The following MACROD2 variants were observed in gnomAD, a reference collection of about 807,000 sequenced individuals.
MACROD2 encodes mono-ADP ribosylhydrolase 2.
A neutral mutation model predicts 70.4 loss-of-function variants in MACROD2; 36 were observed. That is an observed-to-expected ratio of 0.51 (90% CI 0.39 to 0.68). MACROD2 has a LOEUF of 0.68. Ranked by LOEUF, MACROD2 falls within the 30% of genes least tolerant of loss-of-function variation. The pLI, the probability that MACROD2 is intolerant of heterozygous loss-of-function variation, is 0.00. For missense variants in MACROD2, 496 were observed against 538.4 expected (o/e 0.92, Z 0.78); for synonymous variants, 172 against 178.8 (o/e 0.96, Z 0.30).
At chr20:14,965,583 C>A (rs142774623) in intron 5 of MACROD2, among the ~76,000 whole-genome samples, 3,027 of 149,278 alleles carry the variant, frequency 0.02, 109 homozygotes, top group African/African-American at 0.069. Flanking sequence ...GACTCAGCCT[C>A]CCTAGTAACT....
chr20:15,774,086 A>G (rs16996509), intron 8 of MACROD2, among the ~76,000 whole-genome samples: 4,310 of 152,300 alleles, frequency 0.028, 207 homozygotes, highest in African/African-American at 0.099. Context: ...ATGTAATAAA[A>G]TAGCTTCCCT....
chr20:14,190,727 T>C (rs1467591201), intron 3 of MACROD2, among the ~76,000 whole-genome samples: 1 of 84,106 alleles, frequency 1.2e-5, no homozygotes, highest in Admixed American at 1.7e-4. Flanking sequence ...TTTTTTTTTT[T>C]TCCAGAGTCT....
At chr20:15,742,935 C>G (rs1247999885) in intron 8 of MACROD2, among the ~76,000 whole-genome samples, 1 of 152,196 alleles carries the variant, frequency 6.6e-6, no homozygotes, top group Non-Finnish European at 1.5e-5. Context: ...ACCTGCTGTT[C>G]TTGTGTACCT....
chr20:14,244,535 A>G (rs987072727), intron 3 of MACROD2, among the ~76,000 whole-genome samples: 1 of 152,232 alleles, frequency 6.6e-6, no homozygotes, highest in Admixed American at 6.5e-5. Context: ...GGAACCTGGC[A>G]TGAAGATCCA....
chr20:15,312,579 C>T (rs879129112), intron 6 of MACROD2, among the ~76,000 whole-genome samples: 2 of 151,808 alleles, frequency 1.3e-5, no homozygotes, highest in East Asian at 1.9e-4. Context: ...TATACAGAAC[C>T]GTGTATATAG....
chr20:15,953,159 G>T (rs1020138009), intron 12 of MACROD2, among the ~76,000 whole-genome samples: 4 of 152,082 alleles, frequency 2.6e-5, no homozygotes, highest in African/African-American at 9.7e-5. Context: ...AGCCAAGAAA[G>T]GTTGGTCTCA....
chr20:15,928,341 C>T (rs1049986081), intron 10 of MACROD2, among the ~76,000 whole-genome samples: 2 of 152,200 alleles, frequency 1.3e-5, no homozygotes, highest in Admixed American at 1.3e-4. Context: ...TAGCACTGCA[C>T]TCACTTGATA....
intron 6 of MACROD2, among the ~76,000 whole-genome samples, chr20:15,365,536 C>T (rs1220174806): frequency 1.3e-5 from 2 of 151,898 alleles, no homozygotes; most frequent in Non-Finnish European, 2.9e-5. Flanking sequence ...TGGCATGTGC[C>T]TGTAATCCCA....
chr20:15,733,778 CGTT>C (rs921543644), intron 8 of MACROD2, among the ~76,000 whole-genome samples: 15 of 152,222 alleles, frequency 9.9e-5, no homozygotes, highest in African/African-American at 3.1e-4. Context: ...ACTGCAGAAA[CGTT>C]GTGTATTTTA....
chr20:14,190,644 T>G (rs2081376724), intron 3 of MACROD2, among the ~76,000 whole-genome samples: 1 of 139,912 alleles, frequency 7.1e-6, no homozygotes, highest in African/African-American at 2.7e-5. Flanking sequence ...CCCACACCAC[T>G]TTGCTGAGGA....
intron 5 of MACROD2, among the ~76,000 whole-genome samples, chr20:14,908,198 G>A (rs1484694339): frequency 1.3e-5 from 2 of 151,978 alleles, no homozygotes; most frequent in African/African-American, 4.8e-5. Flanking sequence ...ACAAAAATTA[G>A]CTGGGCGTGG....
Position 15,246,221 on chromosome 20 carries a change from A to T in MACROD2, c.540+16160A>T, listed in dbSNP as rs78648834. Among the ~76,000 whole-genome samples, 1,280 of 152,312 alleles carry T rather than the reference A, an allele frequency of 8.4e-3. 18 individuals carry two copies. Among genetic ancestry groups the T allele is most frequent in the African/African-American group, 0.029 (1,216 of 41,566 alleles). On this transcript the variant is annotated intron_variant, in intron 6 of 17. Coordinates refer to ENST00000684519, the MANE Select transcript of MACROD2 (RefSeq NM_001351661.2). ...ATTTTGGTGAGTATATCATTAAACC[A>T]TTAACATAGTGAATAGGGTGCTCAT...
chr20:14,780,616 C>T (rs982235372), intron 5 of MACROD2, among the ~76,000 whole-genome samples: 10 of 150,906 alleles, frequency 6.6e-5, no homozygotes, highest in Non-Finnish European at 2.9e-5. Flanking sequence ...AATGGAGTGA[C>T]CTTTCTTCCT....
chr20:14,161,624 T>C (rs1006212824), intron 3 of MACROD2, among the ~76,000 whole-genome samples: 1 of 150,966 alleles, frequency 6.6e-6, no homozygotes, highest in African/African-American at 2.4e-5. Flanking sequence ...TCGCCCAGGC[T>C]GAAGTGCAGT....
intron 5 of MACROD2, among the ~76,000 whole-genome samples, chr20:14,694,472 C>A (rs1300418263): frequency 1.3e-5 from 2 of 152,102 alleles, no homozygotes; most frequent in Admixed American, 6.5e-5. Flanking sequence ...TTGATCATAC[C>A]AACCCTCTTA....
At position 15,540,379 on chromosome 20, in the gene MACROD2, C is replaced by T. The variant is rs190458206; in HGVS notation, c.645+40532C>T. ...CATTTGGAAAGCTGACCCCGGCCATCGTGTGGAGGATAGTTTGGATGGTGA... is the reference window on the plus strand; with the variant it reads ...CATTTGGAAAGCTGACCCCGGCCATTGTGTGGAGGATAGTTTGGATGGTGA... On this transcript the variant is annotated intron_variant, in intron 8 of 17. Transcript: ENST00000684519. Among the ~76,000 whole-genome samples the T allele has an allele frequency of 3.3e-5, 5 of 152,214 alleles. No individual in the cohort carries two copies. The East Asian group carries it at 9.6e-4, about 29-fold the overall frequency.
intron 3 of MACROD2, among the ~76,000 whole-genome samples, chr20:14,191,995 G>A (rs1463560619): frequency 6.6e-6 from 1 of 151,706 alleles, no homozygotes. Context: ...GAGGGGGAGG[G>A]GGAGGGGCAA....
intron 3 of MACROD2, among the ~76,000 whole-genome samples, chr20:14,310,149 A>G (rs1300267168): frequency 6.6e-6 from 1 of 152,202 alleles, no homozygotes; most frequent in Non-Finnish European, 1.5e-5. Context: ...GATCAAGGAA[A>G]AGTAATGATT....
chr20:14,946,402 A>T (rs2074432602), intron 5 of MACROD2, among the ~76,000 whole-genome samples: 1 of 152,164 alleles, frequency 6.6e-6, no homozygotes, highest in African/African-American at 2.4e-5. Context: ...TATATCAGAA[A>T]AAATTACACT....
Sources: gnomAD v4.1 joint callset for allele counts (sites outside exome capture counted in the v4.1 genomes callset) on GRCh38, gnomAD v4.1.1 for gene constraint, MANE v1.5 for transcripts, NCBI Gene and HGNC (gene_info 2026-07-23, HGNC 2026-07-21) for gene names.